The following GPHN variants were observed in gnomAD, a reference collection of about 807,000 sequenced individuals.
GPHN encodes the protein gephyrin.
A neutral mutation model predicts 95.5 loss-of-function variants in GPHN; 17 were observed. The observed-to-expected ratio is 0.18, with a 90% confidence interval of 0.12 to 0.27. The LOEUF (loss-of-function observed/expected upper bound fraction) is 0.27. Ranked by LOEUF, GPHN falls within the 10% of genes least tolerant of loss-of-function variation. The pLI, the probability that GPHN is intolerant of heterozygous loss-of-function variation, is 1.00. For missense variants in GPHN, 660 were observed against 978.1 expected (o/e 0.67, Z 4.34); for synonymous variants, 320 against 322.5 (o/e 0.99, Z 0.08).
At chr14:66,679,892 T>C (rs1301830840) in intron 1 of GPHN, among the ~76,000 whole-genome samples, 1 of 152,246 alleles carries the variant, frequency 6.6e-6, no homozygotes, top group Non-Finnish European at 1.5e-5. Context: ...TGGGTCTGTT[T>C]ATATTTATTC....
intron 9 of GPHN, among the ~76,000 whole-genome samples, chr14:66,981,360 A>G (rs2070660850): frequency 6.6e-6 from 1 of 152,138 alleles, no homozygotes; most frequent in Non-Finnish European, 1.5e-5. Context: ...CTTTACTGAA[A>G]GGGCTGAATA....
the GPHN span, among the ~76,000 whole-genome samples, chr14:67,653,989 T>C: frequency 6.6e-6 from 1 of 152,192 alleles, no homozygotes; most frequent in South Asian, 2.1e-4. Context: ...TCCATGGAAC[T>C]TTCAACTGCT....
the GPHN span, among the ~76,000 whole-genome samples, chr14:67,546,539 C>T: frequency 5.5e-4 from 83 of 151,980 alleles, no homozygotes; most frequent in Non-Finnish European, 7.8e-4. Flanking sequence ...TACAGGCGCG[C>T]GCCACCACGC....
the GPHN span, among the ~76,000 whole-genome samples, chr14:67,413,480 G>A: frequency 2.6e-5 from 4 of 152,178 alleles, no homozygotes; most frequent in African/African-American, 9.7e-5. Context: ...ATGCCTGTAA[G>A]GGAAGAGAAG....
At chr14:67,570,050 G>A in the GPHN span, 2 of 1,355,850 alleles carry the variant, frequency 1.5e-6, no homozygotes, top group Non-Finnish European at 2.1e-6. Context: ...TGTCTCATCA[G>A]GAAAGGCCCC....
the GPHN span, among the ~76,000 whole-genome samples, chr14:67,309,490 G>A: frequency 0.15 from 23,545 of 152,096 alleles, 3,435 homozygotes; most frequent in East Asian, 0.42. Flanking sequence ...TGGGACTAGA[G>A]AAACTTGTCA....
intron 15 of GPHN, among the ~76,000 whole-genome samples, chr14:67,112,791 C>A (rs41285534): frequency 1.2e-3 from 189 of 152,118 alleles, no homozygotes; most frequent in Non-Finnish European, 2.0e-3. Context: ...TTTTCTTTAG[C>A]AGTAATACAT....
chr14:66,896,395 G>A (rs549008124), intron 5 of GPHN, among the ~76,000 whole-genome samples: 1 of 152,224 alleles, frequency 6.6e-6, no homozygotes, highest in Non-Finnish European at 1.5e-5. Flanking sequence ...GAGGTGGGCT[G>A]ATCACTTGAG....
At chr14:66,771,302 T>A (rs2059161043) in intron 2 of GPHN, among the ~76,000 whole-genome samples, 2 of 152,224 alleles carry the variant, frequency 1.3e-5, no homozygotes, top group Admixed American at 1.3e-4. Flanking sequence ...TTACATTATG[T>A]AATCAATCGA....
chr14:66,687,861 C>G (rs1487350854), intron 2 of GPHN, among the ~76,000 whole-genome samples: 1 of 152,128 alleles, frequency 6.6e-6, no homozygotes, highest in Admixed American at 6.5e-5. Context: ...TTTCTTTCAT[C>G]AGTTTTTTAG....
At chr14:67,273,186 A>T in the GPHN span, among the ~76,000 whole-genome samples, 65 of 150,238 alleles carry the variant, frequency 4.3e-4, 1 homozygote, top group African/African-American at 1.4e-3. Flanking sequence ...TTACATATGT[A>T]TGCATGTGCC....
chr14:67,638,778 G>C, the GPHN span, among the ~76,000 whole-genome samples: 1 of 152,218 alleles, frequency 6.6e-6, no homozygotes, highest in Non-Finnish European at 1.5e-5. Context: ...AGGTTGCTGA[G>C]TGCATAGCTC....
intron 9 of GPHN, among the ~76,000 whole-genome samples, chr14:67,009,854 GTTCAAGCGA>G (rs2072863732): frequency 6.6e-6 from 1 of 151,916 alleles, no homozygotes; most frequent in East Asian, 1.9e-4. Flanking sequence ...CACCTCCCAG[GTTCAAGCGA>G]TTCTCCTGCC....
intron 14 of GPHN, 133 bp from the exon 15 acceptor site, chr14:67,111,728 G>T: frequency 1.3e-6 from 1 of 742,640 alleles, no homozygotes; most frequent in Admixed American, 2.1e-5. Flanking sequence ...TTTTCAAAGG[G>T]TGTAGCAAAT....
At chr14:67,593,645 A>C in the GPHN span, 1 of 680,180 alleles carries the variant, frequency 1.5e-6, no homozygotes, top group Non-Finnish European at 2.6e-6. Context: ...TTTAAATATA[A>C]GTCTCACTTT....
chr14:66,595,506 A>T (rs965844758), intron 1 of GPHN, among the ~76,000 whole-genome samples: 11 of 152,174 alleles, frequency 7.2e-5, no homozygotes, highest in African/African-American at 2.7e-4. Flanking sequence ...AGGGTGAGCC[A>T]GGTACGGAGT....
At chr14:66,792,357 A>T (rs12890878) in intron 3 of GPHN, among the ~76,000 whole-genome samples, 3 of 152,066 alleles carry the variant, frequency 2.0e-5, no homozygotes, top group Non-Finnish European at 4.4e-5. Flanking sequence ...AAATAAAATA[A>T]TACAAATTAG....
chr14:66,528,638 G>A (rs762404000), intron 1 of GPHN, among the ~76,000 whole-genome samples: 22 of 152,174 alleles, frequency 1.4e-4, no homozygotes, highest in Non-Finnish European at 2.5e-4. Context: ...TCCTTCAGGA[G>A]CTCTTGTAAG....
chr14:67,369,849 C>A, the GPHN span, among the ~76,000 whole-genome samples: 7 of 152,232 alleles, frequency 4.6e-5, no homozygotes, highest in African/African-American at 7.2e-5. Flanking sequence ...GTTGCTGAGA[C>A]CAGCTCTGTT....
Sources: gnomAD v4.1 joint callset for allele counts (sites outside exome capture counted in the v4.1 genomes callset) on GRCh38, gnomAD v4.1.1 for gene constraint, MANE v1.5 for transcripts, NCBI Gene and HGNC (gene_info 2026-07-23, HGNC 2026-07-21) for gene names.